SLC41A2: variants seen among roughly 807,000 people sequenced by gnomAD.
SLC41A2 encodes solute carrier family 41 member 2.
A neutral mutation model predicts 58.3 loss-of-function variants in SLC41A2; 32 were observed. The ratio of observed to expected loss-of-function variants is 0.55; its 90% confidence interval spans 0.41 to 0.74. The LOEUF (loss-of-function observed/expected upper bound fraction) is 0.74. Among genes scored for constraint, SLC41A2 ranks in the 30% least tolerant of loss-of-function variants. The pLI, the probability that SLC41A2 is intolerant of heterozygous loss-of-function variation, is 0.00. For synonymous variants in SLC41A2, 190 were observed against 235.0 expected (o/e 0.81, Z 1.75); for missense variants, 514 against 680.6 (o/e 0.76, Z 2.72).
At chr12:104,828,280 G>A (rs1376612704) in intron 10 of SLC41A2, among the ~76,000 whole-genome samples, 1 of 152,172 alleles carries the variant, frequency 6.6e-6, no homozygotes, top group Non-Finnish European at 1.5e-5. Context: ...GCCGGCTCCA[G>A]TGGAAAACCA....
Position 104,895,215 on chromosome 12 carries a change from T to C in SLC41A2, c.735+59A>G, listed in dbSNP as rs558240160. The stretch of plus-strand genomic sequence containing the variant: ...AGTACTAAAATTTACACCAATCTTA[T>C]AGATTACAGTCAAAATTTGTACACC... On this transcript the variant is annotated intron_variant, in intron 4 of 10. Coordinates refer to ENST00000258538, the MANE Select transcript of SLC41A2 (RefSeq NM_001352171.3). 5.5e-5 allele frequency: 68 copies of C among 1,235,228 alleles called. 1 individual carries two copies. The South Asian group carries it at 7.3e-4, about 13-fold the overall frequency. The allele number at this position is 1,235,228 out of a possible 1,614,324, so 76.5% of individuals were successfully genotyped here. A position where few individuals can be genotyped will look rare whatever the true frequency, so the allele number is the denominator to read the frequency against.
intron 8 of SLC41A2, among the ~76,000 whole-genome samples, chr12:104,846,803 GT>G (rs1263623275): frequency 1.3e-5 from 2 of 152,128 alleles, no homozygotes; most frequent in African/African-American, 2.4e-5. Flanking sequence ...TGAGCTGAGG[GT>G]AATGATAATA....
At chr12:104,810,283 G>A (rs561394554) in intron 10 of SLC41A2, among the ~76,000 whole-genome samples, 14 of 152,172 alleles carry the variant, frequency 9.2e-5, no homozygotes, top group Middle Eastern at 3.4e-3. Context: ...CCTTCTGTAT[G>A]GAGGTAAATT....
intron 8 of SLC41A2, among the ~76,000 whole-genome samples, chr12:104,857,976 T>C (rs576551397): frequency 2.0e-4 from 31 of 152,082 alleles, no homozygotes; most frequent in Non-Finnish European, 3.4e-4. Context: ...GTTGTGCACA[T>C]GTACCCTAGA....
At chr12:104,921,198 A>C (rs1180460445) in intron 2 of SLC41A2, among the ~76,000 whole-genome samples, 1 of 152,074 alleles carries the variant, frequency 6.6e-6, no homozygotes, top group African/African-American at 2.4e-5. Context: ...GAGCAAGAGC[A>C]AGGGATAGAA....
intron 6 of SLC41A2, among the ~76,000 whole-genome samples, chr12:104,873,145 T>G (rs2043867629): frequency 6.6e-6 from 1 of 152,174 alleles, no homozygotes; most frequent in Non-Finnish European, 1.5e-5. Flanking sequence ...AACTTTGTAG[T>G]CTTTGATCTA....
At chr12:104,943,670 C>T (rs113515873) in intron 1 of SLC41A2, among the ~76,000 whole-genome samples, 12 of 152,272 alleles carry the variant, frequency 7.9e-5, no homozygotes, top group African/African-American at 2.6e-4. Flanking sequence ...GAGCGGTCAT[C>T]GGCCAACCTC....
intron 10 of SLC41A2, among the ~76,000 whole-genome samples, chr12:104,818,107 T>C (rs925624597): frequency 1.3e-5 from 2 of 152,224 alleles, no homozygotes; most frequent in African/African-American, 4.8e-5. Flanking sequence ...TATACAATCC[T>C]TATTTGTCAA....
At chr12:104,851,526 G>T (rs946077493) in intron 8 of SLC41A2, among the ~76,000 whole-genome samples, 2 of 152,000 alleles carry the variant, frequency 1.3e-5, no homozygotes, top group African/African-American at 4.8e-5. Flanking sequence ...TGGGACTACA[G>T]GTATGCATCA....
rs745857381 is a variant in SLC41A2, at chr12:104,860,394, T to TA, written c.1255+896dup. 4.3e-3 allele frequency among the ~76,000 whole-genome samples: 440 copies of TA among 101,734 alleles called. 2 individuals are homozygous for TA. The highest frequency in any genetic ancestry group is 0.017 in the South Asian group (54 of 3,128). The allele number at this position is 101,734 out of a possible 152,430, so 66.7% of individuals were successfully genotyped here. A position where few individuals can be genotyped will look rare whatever the true frequency, so the allele number is the denominator to read the frequency against. On this transcript the variant is annotated intron_variant, in intron 8 of 10. Transcript: ENST00000258538. The stretch of plus-strand genomic sequence containing the variant: ...TGCACATGTATCCCAGAACTTAAAC[T>TA]AAAAAAAAAAAAAAAAATCCACTTT...
rs915398892 is a variant in SLC41A2, at chr12:104,845,731, C to T, written c.1387+112G>A. On this transcript the variant is annotated intron_variant, in intron 9 of 10. Transcript: ENST00000258538. The stretch of plus-strand genomic sequence containing the variant: ...TTCACTGGGATTAGCTCTCAGAAAT[C>T]GGAAAGTTGAGCAACTTTCACAAAA... The T allele has an allele frequency of 3.5e-5, 38 of 1,096,618 alleles. No homozygotes were observed. The African/African-American group carries it at 5.4e-4, about 16-fold the overall frequency. 67.9% of individuals were successfully genotyped at this position (1,096,618 alleles called of 1,614,324 possible).
At chr12:104,923,145 G>A (rs557393553) in intron 2 of SLC41A2, among the ~76,000 whole-genome samples, 23 of 145,884 alleles carry the variant, frequency 1.6e-4, no homozygotes, top group Non-Finnish European at 6.0e-5. Context: ...TGTGGGTCAC[G>A]AGGTCAGGAG....
At chr12:104,921,717 A>C (rs1338441582) in intron 2 of SLC41A2, among the ~76,000 whole-genome samples, 1 of 152,234 alleles carries the variant, frequency 6.6e-6, no homozygotes. Context: ...AAAACCAAGA[A>C]TACTCTAATA....
intron 4 of SLC41A2, among the ~76,000 whole-genome samples, chr12:104,893,271 C>T (rs1250499854): frequency 6.6e-6 from 1 of 152,152 alleles, no homozygotes; most frequent in Non-Finnish European, 1.5e-5. Context: ...CATCACTGAT[C>T]ATCAGAGAAA....
chr12:104,878,952 C>G (rs1292006304), intron 6 of SLC41A2, among the ~76,000 whole-genome samples: 1 of 152,216 alleles, frequency 6.6e-6, no homozygotes, highest in Non-Finnish European at 1.5e-5. Context: ...GTTCCTATTT[C>G]TCCACATCCT....
rs1397676088 is a variant in SLC41A2, at chr12:104,904,369, T to A, written c.663+5286A>T. ...TTTCTTCTTCAAATGTTGCCACTTT[T>A]GTTTCTCAAGGCCTCTTCATTCTCT... On this transcript the variant is annotated intron_variant, in intron 3 of 10. Coordinates refer to ENST00000258538, the MANE Select transcript of SLC41A2 (RefSeq NM_001352171.3). Among the ~76,000 whole-genome samples the A allele has an allele frequency of 2.0e-5, 3 of 152,240 alleles. 1 individual carries two copies. The highest frequency in any genetic ancestry group is 7.2e-5 in the African/African-American group (3 of 41,462).
chr12:104,860,904 A>G (rs916745081), intron 8 of SLC41A2, among the ~76,000 whole-genome samples: 1 of 152,164 alleles, frequency 6.6e-6, no homozygotes, highest in African/African-American at 2.4e-5. Flanking sequence ...TGGATAAGCA[A>G]TGTTGAAACC....
At chr12:104,954,677 C>T (rs899385592) in intron 1 of SLC41A2, among the ~76,000 whole-genome samples, 1 of 152,134 alleles carries the variant, frequency 6.6e-6, no homozygotes, top group African/African-American at 2.4e-5. Context: ...AAATTACCAG[C>T]CTCATTCTTC....
intron 6 of SLC41A2, among the ~76,000 whole-genome samples, chr12:104,882,382 G>T (rs530095718): frequency 1.3e-4 from 20 of 151,754 alleles, no homozygotes; most frequent in Non-Finnish European, 2.5e-4. Context: ...GGTTTTTTTT[G>T]CCCATTAATT....
Sources: allele counts gnomAD v4.1 joint callset (sites outside exome capture counted in the v4.1 genomes callset), GRCh38; gene constraint gnomAD v4.1.1; transcripts MANE v1.5; gene names NCBI Gene and HGNC (gene_info 2026-07-23, HGNC 2026-07-21).